ATL2: variants seen among roughly 807,000 people sequenced by gnomAD.
ATL2 encodes the protein atlastin GTPase 2, also known as atlastin-2.
In ATL2, 31 loss-of-function variants were observed where a neutral mutation model predicts 73.9. That is an observed-to-expected ratio of 0.42 (90% CI 0.32 to 0.57). ATL2 has a LOEUF of 0.57. Among genes scored for constraint, ATL2 ranks in the 20% least tolerant of loss-of-function variants. The pLI is 0.14. For missense variants in ATL2, 738 were observed against 702.6 expected, an observed-to-expected ratio of 1.05 and a Z score of -0.57; for synonymous variants, 291 against 237.5, an observed-to-expected ratio of 1.23 and a Z score of -2.07.
intron 1 of ATL2, among the ~76,000 whole-genome samples, chr2:38,356,639 G>T (rs1055204232): frequency 2.6e-5 from 4 of 152,164 alleles, no homozygotes; most frequent in Non-Finnish European, 5.9e-5. Flanking sequence ...ATGTATAAAA[G>T]TTGTTCCAAC....
intron 1 of ATL2, among the ~76,000 whole-genome samples, chr2:38,366,610 A>G (rs1396238737): frequency 5.3e-5 from 8 of 152,328 alleles, no homozygotes; most frequent in South Asian, 4.1e-4. Flanking sequence ...TCCCTCTTCC[A>G]TGAAGTATTC....
intron 2 of ATL2, among the ~76,000 whole-genome samples, chr2:38,330,468 C>T (rs1182342377): frequency 3.3e-5 from 5 of 152,102 alleles, no homozygotes; most frequent in African/African-American, 9.7e-5. Flanking sequence ...GTAAAACAAT[C>T]ATCATTTGCA....
At chr2:38,370,023 G>A (rs1671575823) in intron 1 of ATL2, among the ~76,000 whole-genome samples, 2 of 150,822 alleles carry the variant, frequency 1.3e-5, no homozygotes, top group African/African-American at 4.9e-5. Context: ...GCGAGGTGGC[G>A]GGCGCCTGTA....
At chr2:38,312,489 T>C (rs7576489) in intron 7 of ATL2, among the ~76,000 whole-genome samples, 12,469 of 152,052 alleles carry the variant, frequency 0.082, 1,715 homozygotes, top group African/African-American at 0.28. Flanking sequence ...GGTAGGCCGA[T>C]CACAAGGTCA....
intron 2 of ATL2, among the ~76,000 whole-genome samples, chr2:38,339,492 C>T (rs1165062447): frequency 6.6e-6 from 1 of 151,888 alleles, no homozygotes; most frequent in African/African-American, 2.4e-5. Context: ...GGTATACAGG[C>T]TCTCTTTGTT....
At chr2:38,342,129 T>C (rs1322417237) in intron 2 of ATL2, among the ~76,000 whole-genome samples, 1 of 152,142 alleles carries the variant, frequency 6.6e-6, no homozygotes, top group Non-Finnish European at 1.5e-5. Flanking sequence ...TTGCTTTTTT[T>C]TTTCAGGAGA....
intron 4 of ATL2, among the ~76,000 whole-genome samples, chr2:38,316,962 G>A (rs557761136): frequency 1.2e-4 from 19 of 152,090 alleles, no homozygotes; most frequent in South Asian, 4.1e-4. Context: ...CCCCACCAGC[G>A]TCACTTAGTG....
At chr2:38,335,018 T>C (rs904684798) in intron 2 of ATL2, among the ~76,000 whole-genome samples, 3 of 95,220 alleles carry the variant, frequency 3.2e-5, no homozygotes, top group African/African-American at 9.3e-5. Context: ...GCAAATGAAC[T>C]TGTATACAGA....
intron 1 of ATL2, chr2:38,376,099 A>T (rs1295155591): frequency 1.4e-6 from 2 of 1,477,694 alleles, no homozygotes. Context: ...ATAAACTCTT[A>T]TCTTGGCCGT....
intron 10 of ATL2, 100 bp from the exon 11 acceptor site, chr2:38,299,427 T>C (rs1047810303): frequency 2.5e-6 from 3 of 1,210,212 alleles, no homozygotes; most frequent in Non-Finnish European, 2.2e-6. Flanking sequence ...AGTCTGAAAA[T>C]GAACCAGAGA....
In ATL2 at chr2:38,295,500, TG is replaced by T. The variant is rs1328589156; in HGVS notation, c.*493del. ...TCTGTGAAGTTTCTGATACATGCAT[TG>T]ATGTAATACTGGTATTGAAGGCAGT... is the stretch of plus-strand genomic sequence containing the variant. On this transcript the variant is annotated 3_prime_UTR_variant, in exon 13 of 13. Transcript: ENST00000378954. 3.3e-5 allele frequency: 5 copies of T among 152,260 alleles called. No homozygotes were observed. The highest frequency in any genetic ancestry group is 1.2e-4 in the African/African-American group (5 of 41,454). 9.4% of individuals were successfully genotyped at this position (152,260 alleles called of 1,614,324 possible).
At chr2:38,310,276 A>G (rs779728931) in intron 8 of ATL2, 33 bp downstream of exon 8, 1 of 1,604,710 alleles carries the variant, frequency 6.2e-7, no homozygotes, top group Admixed American at 1.8e-5. Context: ...CTAATAAATA[A>G]GTTCAGATTT....
At chr2:38,319,615 A>AAAGAG (rs1553333125) in intron 2 of ATL2, among the ~76,000 whole-genome samples, 2 of 149,402 alleles carry the variant, frequency 1.3e-5, no homozygotes, top group African/African-American at 2.5e-5. Context: ...AAAAAAAAAA[A>AAAGAG]AGAGAGAGAG....
intron 9 of ATL2, among the ~76,000 whole-genome samples, chr2:38,308,763 T>G (rs1667588010): frequency 6.6e-6 from 1 of 151,936 alleles, no homozygotes; most frequent in Non-Finnish European, 1.5e-5. Flanking sequence ...AAATTAAAAG[T>G]AAAAATAAAT....
rs1671448422 is a variant in ATL2 at position 38,368,086 on chromosome 2, C to T, written c.118+9057G>A. Among the ~76,000 whole-genome samples, 3 of 151,972 alleles carry T rather than the reference C, an allele frequency of 2.0e-5. No homozygotes were observed. In the South Asian group the frequency reaches 6.2e-4, roughly 32 times the overall value. On this transcript the variant is annotated intron_variant, in intron 1 of 12. Coordinates refer to ENST00000378954, the MANE Select transcript of ATL2 (RefSeq NM_001135673.4). ...AACAGCTGGGACTACAGGCGCCTGC[C>T]ACCACGCCCGGCTAATTTTTTGTAT...
intron 1 of ATL2, among the ~76,000 whole-genome samples, chr2:38,351,971 G>C (rs926845181): frequency 6.6e-6 from 1 of 151,480 alleles, no homozygotes; most frequent in African/African-American, 2.4e-5. Flanking sequence ...AATTAGCTGG[G>C]TGTGGTGGCA....
At chr2:38,329,106 G>T (rs1339405328) in intron 2 of ATL2, among the ~76,000 whole-genome samples, 7 of 145,188 alleles carry the variant, frequency 4.8e-5, no homozygotes, top group Non-Finnish European at 7.5e-5. Flanking sequence ...CTCACACAAG[G>T]AGAACTAGAT....
rs1259079070 is a variant in ATL2 at position 38,295,468 on chromosome 2, T to G, written c.*526A>C. Reference sequence around the variant, plus strand: ...ACTTTCTTAGCTACAAGAGTTGCCATGTAATTTCTGTGAAGTTTCTGATAC... The same window carrying G: ...ACTTTCTTAGCTACAAGAGTTGCCAGGTAATTTCTGTGAAGTTTCTGATAC... On this transcript the variant is annotated 3_prime_UTR_variant, in exon 13 of 13. Transcript: ENST00000378954. 1 of 152,250 alleles carries G rather than the reference T, an allele frequency of 6.6e-6. No homozygotes were observed. Among genetic ancestry groups the G allele is most frequent in the Non-Finnish European group, 1.5e-5 (1 of 68,048 alleles). The allele number at this position is 152,250 out of a possible 1,614,324, so 9.4% of individuals were successfully genotyped here. A position where few individuals can be genotyped will look rare whatever the true frequency, so the allele number is the denominator to read the frequency against.
At chr2:38,370,448 C>CAAAAAAAAAAAAAAAAAAAAAAA (rs55964015) in intron 1 of ATL2, among the ~76,000 whole-genome samples, 1 of 55,188 alleles carries the variant, frequency 1.8e-5, no homozygotes, top group African/African-American at 4.8e-5. Context: ...GACTCTGTCC[C>CAAAAAAAAAAAAAAAAAAAAAAA]AAAAAAAAAA....
Sources: gnomAD v4.1 joint callset for allele counts (sites outside exome capture counted in the v4.1 genomes callset) on GRCh38, gnomAD v4.1.1 for gene constraint, MANE v1.5 for transcripts, NCBI Gene and HGNC (gene_info 2026-07-23, HGNC 2026-07-21) for gene names.